Variants in KATNB1 observed in about 807,000 individuals in gnomAD.
KATNB1 encodes katanin regulatory subunit B1.
A neutral mutation model predicts 82.3 loss-of-function variants in KATNB1; 38 were observed. The ratio of observed to expected loss-of-function variants is 0.46; its 90% CI spans 0.36 to 0.61. The LOEUF (loss-of-function observed/expected upper bound fraction) is 0.61, where lower values mean the gene tolerates loss of function less well. Ranked by LOEUF, KATNB1 falls within the 20% of genes least tolerant of loss-of-function variation. KATNB1 has a pLI of 0.00. For synonymous variants in KATNB1, 361 were observed against 368.7 expected (o/e 0.98, Z 0.24); for missense variants, 749 against 915.7 (o/e 0.82, Z 2.35).
intron 3 of KATNB1, 110 bp downstream of exon 3, chr16:57,741,927 G>T (rs1555579785): frequency 3.1e-6 from 4 of 1,309,240 alleles, no homozygotes; most frequent in Non-Finnish European, 4.2e-6. Flanking sequence ...TGAGCCCAGG[G>T]CCCCCTATCC....
chr16:57,736,823 C>T, intron 1 of KATNB1, 155 bp from the exon 2 acceptor site: 1 of 392,828 alleles, frequency 2.5e-6, no homozygotes. Flanking sequence ...TGAGGTGCCC[C>T]CTCTGCAGAT....
chr16:57,740,315 T>G (rs1437526885), intron 2 of KATNB1, among the ~76,000 whole-genome samples: 1 of 151,942 alleles, frequency 6.6e-6, no homozygotes, highest in African/African-American at 2.4e-5. Context: ...GTGTCATCAG[T>G]GAGATTCAGC....
In KATNB1 at chr16:57,755,404, C is replaced by G. The variant is rs1555585582; in HGVS notation, c.1476C>G (p.Arg492=). ...LVDEDAMSQI[R]KGHDTMCVVL... The stretch of plus-strand genomic sequence containing the variant: ...ACGAGGATGCCATGTCACAGATCCG[C>G]AAAGGCCACGACACCATGTGTGTGG... The change falls in exon 16 of 20, where the codon CGC becomes CGG. Residue 492 remains arginine, a synonymous_variant. Transcript: ENST00000379661. The G allele has an allele frequency of 1.2e-6, 2 of 1,613,326 alleles. No homozygotes were observed. Among genetic ancestry groups the G allele is most frequent in the Admixed American group, 1.7e-5 (1 of 60,032 alleles).
At position 57,756,871 on chromosome 16, in the gene KATNB1, G is replaced by A. The variant is rs782183516; in HGVS notation, c.1893G>A (p.Lys631=). The part of the protein sequence containing the change: ...KQLKSISGLV[K]SKSGLSGRHG... ...TTAAGAGCATCAGCGGCCTGGTCAA[G>A]AGCAAGTCAGGCCTGAGCGGCCGCC... is the stretch of plus-strand genomic sequence containing the variant. Residue 631 remains lysine, a synonymous_variant, in exon 20 of 20, where the codon AAG becomes AAA. Transcript: ENST00000379661. 19 of 1,565,704 alleles carry A rather than the reference G, an allele frequency of 1.2e-5. No homozygotes were observed. In the South Asian group the frequency reaches 1.3e-4, roughly 11 times the overall value.
At chr16:57,736,865 C>T in intron 1 of KATNB1, 113 bp from the exon 2 acceptor site, 1 of 470,082 alleles carries the variant, frequency 2.1e-6, no homozygotes, top group Non-Finnish European at 4.2e-6. Flanking sequence ...CAGCTTCTGA[C>T]TCTGGTGGCT....
chr16:57,752,972 C>T, intron 10 of KATNB1, 44 bp downstream of exon 10: 1 of 1,596,342 alleles, frequency 6.3e-7, no homozygotes, highest in Non-Finnish European at 8.5e-7. Flanking sequence ...CCCACAGGGC[C>T]ACCCGCCTCC....
At chr16:57,742,864 A>T (rs928660433) in intron 3 of KATNB1, among the ~76,000 whole-genome samples, 2 of 152,190 alleles carry the variant, frequency 1.3e-5, no homozygotes, top group Non-Finnish European at 2.9e-5. Context: ...TTCAAAACAG[A>T]TTGCCAAATT....
At chr16:57,737,385 A>T in intron 2 of KATNB1, 102 bp downstream of exon 2, 1 of 1,314,976 alleles carries the variant, frequency 7.6e-7, no homozygotes, top group South Asian at 1.2e-5. Context: ...TTGGCACAGG[A>T]GGAGACTCCT....
chr16:57,737,179 C>T lies in KATNB1; in HGVS notation c.-65C>T. ...TGGTGGATCTGGGGGGGGATCCACCCCCACCCCACGAGGAAAGCACAGTTT... is the reference window on the plus strand; with the variant it reads ...TGGTGGATCTGGGGGGGGATCCACCTCCACCCCACGAGGAAAGCACAGTTT... On this transcript the variant is annotated 5_prime_UTR_variant, in exon 2 of 20. Transcript: ENST00000379661. The T allele has an allele frequency of 1.9e-6, 3 of 1,595,612 alleles. No individual in the cohort carries two copies. The highest frequency in any genetic ancestry group is 2.6e-6 in the Non-Finnish European group (3 of 1,165,920).
In KATNB1 at chr16:57,755,481, T is replaced by C. The variant is rs782403673; in HGVS notation, c.1553T>C (p.Met518Thr). ...NLDTVRAVWTMGDIKTSVDSA... is the reference protein window; with the variant it reads ...NLDTVRAVWTTGDIKTSVDSA... ...GACACTGTGCGGGCTGTGTGGACCA[T>C]GGGCGACATCAAGGCAAGTGCCCAC... Residue 518 changes from methionine to threonine, a missense_variant, in exon 16 of 20, where the codon ATG becomes ACG. Transcript: ENST00000379661. The C allele has an allele frequency of 6.2e-7, 1 of 1,612,848 alleles. No individual in the cohort carries two copies. The highest frequency in any genetic ancestry group is 8.5e-7 in the Non-Finnish European group (1 of 1,179,652).
chr16:57,753,109 C>T lies in KATNB1; in HGVS notation c.888C>T (p.Ser296=), dbSNP rs200246903. ...TGGCCTTCTCCCAGAGCAACGTCTC[C>T]TCCTACGTGGTGGATCTGACGCGTG... ...IGVAFSQSNV[S]SYVVDLTRVT... The change falls in exon 11 of 20, where the codon TCC becomes TCT. Residue 296 remains serine, a synonymous_variant. Transcript: ENST00000379661. 41 of 1,609,166 alleles carry T rather than the reference C, an allele frequency of 2.5e-5. No individual in the cohort carries two copies. Among genetic ancestry groups the T allele is most frequent in the Non-Finnish European group, 3.4e-5 (40 of 1,178,286 alleles).
At position 57,750,908 on chromosome 16, in the gene KATNB1, C is replaced by G. The variant is rs781863769; in HGVS notation, c.371C>G (p.Ser124Cys). 2 of 1,613,986 alleles carry G rather than the reference C, an allele frequency of 1.2e-6. No individual in the cohort carries two copies. The highest frequency in any genetic ancestry group is 2.2e-5 in the South Asian group (2 of 91,076). The change falls in exon 5 of 20, where the codon TCC (serine) becomes TGC (cysteine). Residue 124 changes from serine (S) to cysteine (C), a missense_variant. This residue lies in a region of KATNB1 where 247 missense variants were observed against 349.4 expected (regional missense o/e 0.71). Transcript: ENST00000379661. ...TACGGCGAGTTTGTAGCCTCTGGTTCCCAGGACACAAACATCAAGGTGAGA... is the reference window on the plus strand; with the variant it reads ...TACGGCGAGTTTGTAGCCTCTGGTTGCCAGGACACAAACATCAAGGTGAGA... ...HPYGEFVASG[S>C]QDTNIKLWDI...
chr16:57,753,045 C>T, intron 10 of KATNB1, 32 bp from the exon 11 acceptor site: 1 of 1,588,928 alleles, frequency 6.3e-7, no homozygotes, highest in Non-Finnish European at 8.5e-7. Flanking sequence ...CCTCGGCTTG[C>T]AGTCCCAGCC....
In KATNB1 at chr16:57,754,127, C is replaced by T. The variant is rs143387257; in HGVS notation, c.1228+132C>T. The stretch of plus-strand genomic sequence containing the variant: ...TCAGGACACGACCCACACCCTCTCC[C>T]GCTGGGTCTCTGCCCTCTGCCTGTT... On this transcript the variant is annotated intron_variant, in intron 13 of 19. Transcript: ENST00000379661. 7.1e-3 allele frequency: 5,271 copies of T among 746,212 alleles called. 35 individuals carry two copies. The highest frequency in any genetic ancestry group is 1.0e-2 in the Non-Finnish European group (4,334 of 434,738). 46.2% of individuals were successfully genotyped at this position (746,212 alleles called of 1,614,324 possible).
intron 14 of KATNB1, 57 bp from the exon 15 acceptor site, chr16:57,755,062 C>T (rs1175730138): frequency 1.2e-6 from 2 of 1,613,188 alleles, no homozygotes; most frequent in Admixed American, 1.7e-5. Flanking sequence ...TTGGGGGTGC[C>T]TCGGGAGGCA....
At chr16:57,745,651 C>G (rs959647868) in intron 4 of KATNB1, among the ~76,000 whole-genome samples, 8 of 152,160 alleles carry the variant, frequency 5.3e-5, no homozygotes, top group Non-Finnish European at 1.2e-4. Flanking sequence ...CCACTCCCAG[C>G]CCCATGGCTC....
At chr16:57,752,336 T>TG in intron 8 of KATNB1, 194 bp from the exon 9 acceptor site, 1 of 641,968 alleles carries the variant, frequency 1.6e-6, no homozygotes, top group Non-Finnish European at 2.7e-6. Flanking sequence ...TCGTGGCTGT[T>TG]GGGGCCAACC....
At chr16:57,740,453 G>A (rs1042393220) in intron 2 of KATNB1, among the ~76,000 whole-genome samples, 1 of 152,236 alleles carries the variant, frequency 6.6e-6, no homozygotes, top group Admixed American at 6.5e-5. Context: ...CCCAGGCAGG[G>A]TGGAGTCGGA....
At position 57,751,613 on chromosome 16, in the gene KATNB1, G is replaced by C. The variant is rs1555583114; in HGVS notation, c.433-28G>C. ...AGGTCTGTTGGGCCCAGGATCCCAG[G>C]GTGAGCTCATGCCGTGTCCTCCCTC... On this transcript the variant is annotated intron_variant, in intron 6 of 19. Coordinates refer to ENST00000379661, the MANE Select transcript of KATNB1 (RefSeq NM_005886.3). The surrounding 1 kb of genome is among the most constrained non-coding windows in gnomAD (Gnocchi z 6.3). The C allele has an allele frequency of 1.9e-6, 3 of 1,604,304 alleles. No individual in the cohort carries two copies. Among genetic ancestry groups the C allele is most frequent in the African/African-American group, 1.3e-5 (1 of 74,958 alleles).
Sources: gnomAD v4.1 joint callset for allele counts (sites outside exome capture counted in the v4.1 genomes callset) on GRCh38, gnomAD v4.1.1 for gene constraint, gnomAD v4.1.1 regional missense constraint, Gnocchi (gnomAD v3.1) non-coding constraint, MANE v1.5 for transcripts, NCBI Gene and HGNC (gene_info 2026-07-23, HGNC 2026-07-21) for gene names.